The following PPP2R2B variants were observed in gnomAD, a reference collection of about 807,000 sequenced individuals.
PPP2R2B encodes protein phosphatase 2 regulatory subunit Bbeta, also known as serine/threonine-protein phosphatase 2A 55 kDa regulatory subunit B beta isoform.
PPP2R2B carries 5 observed loss-of-function variants against 46.0 expected under a neutral mutation model. The observed-to-expected ratio is 0.11, with a 90% confidence interval of 0.06 to 0.23. PPP2R2B has a LOEUF of 0.23. Ranked by LOEUF, PPP2R2B falls within the 10% of genes least tolerant of loss-of-function variation. The pLI, the probability that PPP2R2B is intolerant of heterozygous loss-of-function variation, is 1.00. For missense variants in PPP2R2B, 367 were observed against 575.0 expected, an observed-to-expected ratio of 0.64 and a Z score of 3.70; for synonymous variants, 215 against 206.7, an observed-to-expected ratio of 1.04 and a Z score of -0.34.
chr5:147,016,208 G>A (rs1001979504), intron 1 of PPP2R2B, among the ~76,000 whole-genome samples: 1 of 151,400 alleles, frequency 6.6e-6, no homozygotes, highest in Non-Finnish European at 1.5e-5. Context: ...GGGCATGATG[G>A]TATGCATCTG....
chr5:146,680,513 T>C (rs1261726531), intron 5 of PPP2R2B, among the ~76,000 whole-genome samples: 2 of 151,730 alleles, frequency 1.3e-5, no homozygotes, highest in African/African-American at 4.9e-5. Context: ...ACCTGCACAA[T>C]GTGCACATGT....
intron 2 of PPP2R2B, chr5:146,856,677 A>C: frequency 1.2e-6 from 1 of 823,188 alleles, no homozygotes; most frequent in East Asian, 2.6e-5. Context: ...CTTTCCACAT[A>C]CCCCCTACCA....
intron 1 of PPP2R2B, among the ~76,000 whole-genome samples, chr5:146,928,282 T>A (rs529084134): frequency 9.1e-4 from 136 of 150,088 alleles, no homozygotes; most frequent in African/African-American, 2.2e-3. Context: ...ATATATATAT[T>A]TTTTTAGATC....
intron 1 of PPP2R2B, among the ~76,000 whole-genome samples, chr5:146,938,753 T>C (rs1764233148): frequency 1.3e-4 from 6 of 45,894 alleles, no homozygotes; most frequent in African/African-American, 1.9e-4. Flanking sequence ...ATAATAGCCT[T>C]TTTTTTTTTT....
chr5:146,823,147 T>C (rs953675367), intron 2 of PPP2R2B, among the ~76,000 whole-genome samples: 7 of 152,192 alleles, frequency 4.6e-5, no homozygotes, highest in Non-Finnish European at 8.8e-5. Flanking sequence ...TCTGACAGCC[T>C]GCATATCACT....
At chr5:146,800,267 G>C (rs1200322497) in intron 2 of PPP2R2B, among the ~76,000 whole-genome samples, 1 of 152,010 alleles carries the variant, frequency 6.6e-6, no homozygotes, top group Non-Finnish European at 1.5e-5. Context: ...ACCTATCTAT[G>C]GATCAAGCAT....
chr5:147,025,101 T>C (rs868519615), intron 1 of PPP2R2B, among the ~76,000 whole-genome samples: 2 of 152,054 alleles, frequency 1.3e-5, no homozygotes, highest in Non-Finnish European at 2.9e-5. Flanking sequence ...AGAAGGGATC[T>C]CATTATAGGT....
intron 2 of PPP2R2B, among the ~76,000 whole-genome samples, chr5:146,822,012 C>A (rs1758293379): frequency 6.6e-6 from 1 of 152,184 alleles, no homozygotes; most frequent in Non-Finnish European, 1.5e-5. Context: ...TAGAACTCAG[C>A]CTTTGAGTGT....
chr5:146,629,307 A>G (rs1774266227), intron 7 of PPP2R2B, among the ~76,000 whole-genome samples: 1 of 152,160 alleles, frequency 6.6e-6, no homozygotes, highest in Admixed American at 6.5e-5. Context: ...ATGGTACCGT[A>G]CAGTAACTCA....
chr5:147,009,160 A>T (rs1251157032), intron 1 of PPP2R2B, among the ~76,000 whole-genome samples: 1 of 152,170 alleles, frequency 6.6e-6, no homozygotes, highest in African/African-American at 2.4e-5. Flanking sequence ...ATTTATAAGC[A>T]ACTGGTGAGC....
intron 2 of PPP2R2B, among the ~76,000 whole-genome samples, chr5:146,849,323 G>A (rs1760203250): frequency 6.6e-6 from 1 of 152,108 alleles, no homozygotes; most frequent in African/African-American, 2.4e-5. Context: ...TTAAGCAGGG[G>A]TTCTTGTTGA....
rs755246881 is a variant in PPP2R2B at position 146,580,836 on chromosome 5, C to T, written c.*9111G>A. Among the ~76,000 whole-genome samples, 17 of 151,764 alleles carry T rather than the reference C, an allele frequency of 1.1e-4. No homozygotes were observed. The highest frequency in any genetic ancestry group is 4.6e-4 in the Admixed American group (7 of 15,224). ...CTCTCCAGAGTTTCTCTTGGGACAC[C>T]GTGGGATTCATTTGAGAACAATGGA... is the stretch of plus-strand genomic sequence containing the variant. On this transcript the variant is annotated 3_prime_UTR_variant, in exon 10 of 10. Coordinates refer to ENST00000394411, the MANE Select transcript of PPP2R2B (RefSeq NM_181675.4).
At chr5:146,979,380 TTC>T (rs1451461670) in intron 1 of PPP2R2B, among the ~76,000 whole-genome samples, 1 of 152,220 alleles carries the variant, frequency 6.6e-6, no homozygotes, top group African/African-American at 2.4e-5. Flanking sequence ...CTTGTTTACT[TTC>T]TGTTTCCTTC....
intron 1 of PPP2R2B, among the ~76,000 whole-genome samples, chr5:146,889,482 T>C (rs553829806): frequency 6.6e-6 from 1 of 152,272 alleles, no homozygotes; most frequent in African/African-American, 2.4e-5. Context: ...AATACGAGGT[T>C]CAGATAAGTT....
upstream of PPP2R2B, chr5:146,878,960 G>A (rs1762070973): frequency 2.7e-6 from 3 of 1,111,266 alleles, no homozygotes; most frequent in Non-Finnish European, 2.2e-6. This position sits in a 1 kb window ranked among gnomAD's most constrained non-coding sequence, Gnocchi z 4.5. Flanking sequence ...GCATAGACGC[G>A]CTCTTCCAAC....
intron 1 of PPP2R2B, among the ~76,000 whole-genome samples, chr5:147,046,748 AC>A (rs1756563407): frequency 6.6e-6 from 1 of 152,116 alleles, no homozygotes; most frequent in Non-Finnish European, 1.5e-5. Flanking sequence ...CACTATTTTT[AC>A]CTGTAAAATG....
chr5:146,820,018 T>C (rs1758160358), intron 2 of PPP2R2B, among the ~76,000 whole-genome samples: 1 of 152,126 alleles, frequency 6.6e-6, no homozygotes, highest in East Asian at 1.9e-4. Context: ...TCTAAAAATG[T>C]TGATCTCAGA....
intron 2 of PPP2R2B, among the ~76,000 whole-genome samples, chr5:146,731,518 C>T (rs374510326): frequency 3.9e-5 from 6 of 152,308 alleles, no homozygotes; most frequent in East Asian, 1.9e-4. Context: ...CTTCATTTTC[C>T]GTGGCTTCCC....
intron 5 of PPP2R2B, among the ~76,000 whole-genome samples, chr5:146,689,586 G>C (rs917973914): frequency 2.0e-5 from 3 of 152,178 alleles, no homozygotes; most frequent in Admixed American, 1.3e-4. Context: ...ACCCAATGAT[G>C]CATTTCTCAG....
Sources: gnomAD v4.1 joint callset for allele counts (sites outside exome capture counted in the v4.1 genomes callset) on GRCh38, gnomAD v4.1.1 for gene constraint, Gnocchi (gnomAD v3.1) non-coding constraint, MANE v1.5 for transcripts, NCBI Gene and HGNC (gene_info 2026-07-23, HGNC 2026-07-21) for gene names.